DENND1A: variants seen among roughly 807,000 people sequenced by gnomAD.
The protein encoded by DENND1A is DENN domain-containing protein 1A.
Under a neutral mutation model 113.7 loss-of-function variants are expected in DENND1A, and 51 were observed. The ratio of observed to expected loss-of-function variants is 0.45; its 90% CI spans 0.36 to 0.57. DENND1A has a LOEUF of 0.57. Ranked by LOEUF, DENND1A falls within the 20% of genes least tolerant of loss-of-function variation. DENND1A has a pLI of 0.00. For missense variants in DENND1A, 1,258 were observed against 1,395.9 expected, an observed-to-expected ratio of 0.90 and a Z score of 1.57; for synonymous variants, 565 against 570.8, an observed-to-expected ratio of 0.99 and a Z score of 0.14.
chr9:123,456,044 G>C (rs1057243067), intron 15 of DENND1A, among the ~76,000 whole-genome samples: 4 of 152,166 alleles, frequency 2.6e-5, no homozygotes, highest in African/African-American at 9.7e-5. Flanking sequence ...TGGGGCTCTG[G>C]ACCTAGCAGG....
chr9:123,568,534 A>G (rs960144551), intron 12 of DENND1A, among the ~76,000 whole-genome samples: 2 of 152,218 alleles, frequency 1.3e-5, no homozygotes, highest in African/African-American at 2.4e-5. Context: ...TAGGGCATCA[A>G]TTACTGAAAT....
chr9:123,723,284 C>T (rs2067468841), intron 5 of DENND1A, among the ~76,000 whole-genome samples: 1 of 152,226 alleles, frequency 6.6e-6, no homozygotes. Context: ...AACTAACTTG[C>T]TTTTGATTTT....
At chr9:123,480,264 C>A (rs892215019) in intron 13 of DENND1A, among the ~76,000 whole-genome samples, 4 of 152,132 alleles carry the variant, frequency 2.6e-5, no homozygotes, top group African/African-American at 7.2e-5. Context: ...CCCGAGAGAC[C>A]TCCTCAAGGC....
At chr9:123,889,109 C>A (rs531688472) in intron 1 of DENND1A, among the ~76,000 whole-genome samples, 1 of 151,824 alleles carries the variant, frequency 6.6e-6, no homozygotes. Flanking sequence ...TTTCTCTGAC[C>A]TTCCTTTTAC....
chr9:123,780,073 C>T (rs1288888074), intron 3 of DENND1A, among the ~76,000 whole-genome samples: 4 of 152,236 alleles, frequency 2.6e-5, no homozygotes, highest in East Asian at 1.9e-4. Context: ...AGGCTAGTCT[C>T]GAACTCCTGA....
chr9:123,419,140 G>T (rs1402603353), intron 19 of DENND1A, among the ~76,000 whole-genome samples: 1 of 152,264 alleles, frequency 6.6e-6, no homozygotes, highest in East Asian at 1.9e-4. Flanking sequence ...GATGCTGGAG[G>T]CCACAGGGAC....
At chr9:123,841,884 AT>A (rs762081091) in intron 2 of DENND1A, among the ~76,000 whole-genome samples, 6 of 152,108 alleles carry the variant, frequency 3.9e-5, no homozygotes, top group Non-Finnish European at 8.8e-5. Flanking sequence ...TGCATACCTG[AT>A]TTTTTAAATG....
intron 1 of DENND1A, among the ~76,000 whole-genome samples, chr9:123,907,652 C>A (rs1404260160): frequency 6.7e-6 from 1 of 150,076 alleles, no homozygotes; most frequent in Non-Finnish European, 1.5e-5. Context: ...ATGTGAAGGA[C>A]CTCTTCAAGG....
intron 13 of DENND1A, among the ~76,000 whole-genome samples, chr9:123,479,823 T>C (rs1371570922): frequency 3.3e-5 from 5 of 152,256 alleles, no homozygotes; most frequent in African/African-American, 1.2e-4. Flanking sequence ...ATTGGGAGCC[T>C]CTTGCTTCTT....
chr9:123,722,146 T>C (rs1208886698), intron 5 of DENND1A, among the ~76,000 whole-genome samples: 1 of 152,212 alleles, frequency 6.6e-6, no homozygotes, highest in Non-Finnish European at 1.5e-5. Flanking sequence ...AAAGTGACTC[T>C]TGTTATGTTT....
At chr9:123,512,014 G>A (rs990063572) in intron 13 of DENND1A, among the ~76,000 whole-genome samples, 2 of 152,172 alleles carry the variant, frequency 1.3e-5, no homozygotes, top group African/African-American at 2.4e-5. Flanking sequence ...AGGGAGAGAG[G>A]AGAAGAATAC....
rs114671542 is a variant in DENND1A at position 123,764,564 on chromosome 9, G to A, written c.182+4950C>T. Among the ~76,000 whole-genome samples, 53 of 152,236 alleles carry A rather than the reference G, an allele frequency of 3.5e-4. No individual in the cohort carries two copies. The highest frequency in any genetic ancestry group is 1.3e-3 in the African/African-American group (53 of 41,528). The stretch of plus-strand genomic sequence containing the variant: ...AGAATGACATGGACCCAAAATATGA[G>A]GGGACCAACAGTAAGTGACACACTT... On this transcript the variant is annotated intron_variant, in intron 4 of 23. Transcript: ENST00000394215. The surrounding 1 kb of genome is among the most constrained non-coding windows in gnomAD (Gnocchi z 4.1).
Position 123,379,856 on chromosome 9 carries a change from C to T in DENND1A, c.*1576G>A, listed in dbSNP as rs1005990023. 3 of 152,368 alleles carry T rather than the reference C, an allele frequency of 2.0e-5. No individual in the cohort carries two copies. The highest frequency in any genetic ancestry group is 7.2e-5 in the African/African-American group (3 of 41,450). The allele number at this position is 152,368 out of a possible 1,614,324, so 9.4% of individuals were successfully genotyped here. A position where few individuals can be genotyped will look rare whatever the true frequency, so the allele number is the denominator to read the frequency against. On this transcript the variant is annotated 3_prime_UTR_variant, in exon 24 of 24. Transcript: ENST00000394215. ...TCCTCTGCCCTATCCCGGATGGGGCCTGGGGGTCTGCCCAGGGTGCGAAAC... is the reference window on the plus strand; with the variant it reads ...TCCTCTGCCCTATCCCGGATGGGGCTTGGGGGTCTGCCCAGGGTGCGAAAC...
chr9:123,852,584 T>A (rs1284313400), intron 2 of DENND1A, among the ~76,000 whole-genome samples: 1 of 152,230 alleles, frequency 6.6e-6, no homozygotes, highest in Non-Finnish European at 1.5e-5. Context: ...AAAGCCAGTC[T>A]GTCATGGACT....
chr9:123,490,984 G>C (rs1276401483), intron 13 of DENND1A, among the ~76,000 whole-genome samples: 1 of 152,216 alleles, frequency 6.6e-6, no homozygotes, highest in African/African-American at 2.4e-5. Context: ...AGAATATCTG[G>C]TATTTCAGGC....
chr9:123,657,015 G>T (rs2062984647), intron 8 of DENND1A, among the ~76,000 whole-genome samples: 1 of 152,158 alleles, frequency 6.6e-6, no homozygotes, highest in African/African-American at 2.4e-5. Flanking sequence ...ACTCTCTAGG[G>T]CTGGGTAGCA....
At chr9:123,402,980 G>C (rs2043617048) in intron 21 of DENND1A, among the ~76,000 whole-genome samples, 2 of 152,110 alleles carry the variant, frequency 1.3e-5, no homozygotes, top group South Asian at 4.1e-4. Flanking sequence ...GGTGGGTCTG[G>C]GGCAGTGGAT....
At chr9:123,821,680 AACAG>A (rs1361056634) in intron 2 of DENND1A, among the ~76,000 whole-genome samples, 2 of 152,252 alleles carry the variant, frequency 1.3e-5, no homozygotes, top group Non-Finnish European at 2.9e-5. Context: ...AACAGTTTCA[AACAG>A]ACCACTTAAC....
chr9:123,915,346 C>T (rs1345130610), intron 1 of DENND1A, among the ~76,000 whole-genome samples: 1 of 152,008 alleles, frequency 6.6e-6, no homozygotes, highest in Non-Finnish European at 1.5e-5. Flanking sequence ...TAATAACATT[C>T]CACTTTTAGA....
Sources: allele counts gnomAD v4.1 joint callset (sites outside exome capture counted in the v4.1 genomes callset), GRCh38; gene constraint gnomAD v4.1.1; non-coding constraint Gnocchi (gnomAD v3.1); transcripts MANE v1.5; gene names NCBI Gene and HGNC (gene_info 2026-07-23, HGNC 2026-07-21).